Variants in NUDT3 observed in about 807,000 individuals in gnomAD.
The protein encoded by NUDT3 is nudix hydrolase 3.
NUDT3 carries 9 observed loss-of-function variants against 23.6 expected under a neutral mutation model. That is an observed-to-expected ratio of 0.38 (90% confidence interval 0.23 to 0.66). The LOEUF (loss-of-function observed/expected upper bound fraction) is 0.66. Among genes scored for constraint, NUDT3 ranks in the 30% least tolerant of loss-of-function variants. The pLI is 0.52. For missense variants in NUDT3, 172 were observed against 218.5 expected (o/e 0.79, Z 1.34); for synonymous variants, 86 against 82.6 (o/e 1.04, Z -0.22).
At chr6:34,354,802 T>C (rs1297661228) in intron 1 of NUDT3, among the ~76,000 whole-genome samples, 1 of 148,502 alleles carries the variant, frequency 6.7e-6, no homozygotes, top group Non-Finnish European at 1.5e-5. Flanking sequence ...CTTTATATTT[T>C]ATATTTGTAT....
At chr6:34,369,596 A>G (rs1364953566) in intron 1 of NUDT3, among the ~76,000 whole-genome samples, 1 of 152,234 alleles carries the variant, frequency 6.6e-6, no homozygotes, top group East Asian at 1.9e-4. Flanking sequence ...GAAATTAAAG[A>G]CCATGATGTG....
Position 34,392,486 on chromosome 6 carries a change from T to A in NUDT3, c.-124A>T. 3.4e-6 allele frequency: 2 copies of A among 591,104 alleles called. No individual in the cohort carries two copies. Among genetic ancestry groups the A allele is most frequent in the Non-Finnish European group, 5.7e-6 (2 of 348,224 alleles). The allele number at this position is 591,104 out of a possible 1,614,324, so 36.6% of individuals were successfully genotyped here. Reference sequence around the variant, plus strand: ...AAGGGAAGCAGGGAGGGGGAGCTTCTCCGCTACACGGCTCCGCCGCTGGCC... The same window carrying A: ...AAGGGAAGCAGGGAGGGGGAGCTTCACCGCTACACGGCTCCGCCGCTGGCC... On this transcript the variant is annotated 5_prime_UTR_variant, in exon 1 of 5. Transcript: ENST00000607016.
At chr6:34,334,873 C>T (rs1469735395) in intron 2 of NUDT3, among the ~76,000 whole-genome samples, 1 of 145,794 alleles carries the variant, frequency 6.9e-6, no homozygotes. Flanking sequence ...TTTGAGGTTA[C>T]AGTGAACTAT....
At chr6:34,390,245 G>A (rs1421374404) in intron 1 of NUDT3, among the ~76,000 whole-genome samples, 2 of 151,408 alleles carry the variant, frequency 1.3e-5, no homozygotes, top group African/African-American at 2.4e-5. Context: ...AGTGAGCCAA[G>A]ATGGGGCCAC....
intron 1 of NUDT3, among the ~76,000 whole-genome samples, chr6:34,375,868 A>G (rs1259949434): frequency 2.6e-5 from 4 of 152,118 alleles, no homozygotes; most frequent in African/African-American, 9.7e-5. Flanking sequence ...TCTAGGTGTG[A>G]TCTATCACCT....
At chr6:34,320,190 G>A (rs749623902) in intron 2 of NUDT3, among the ~76,000 whole-genome samples, 14 of 152,094 alleles carry the variant, frequency 9.2e-5, no homozygotes, top group African/African-American at 2.2e-4. Flanking sequence ...TACTAGTGGC[G>A]AGTATGAAAA....
At chr6:34,292,207 T>G (rs761101331) in intron 4 of NUDT3, among the ~76,000 whole-genome samples, 4 of 152,198 alleles carry the variant, frequency 2.6e-5, no homozygotes, top group African/African-American at 4.8e-5. Flanking sequence ...ACACTGAATT[T>G]ATTTCCTTGA....
intron 2 of NUDT3, among the ~76,000 whole-genome samples, chr6:34,320,062 T>C (rs1763917466): frequency 6.6e-6 from 1 of 152,182 alleles, no homozygotes; most frequent in Admixed American, 6.5e-5. Context: ...ATAATTTACA[T>C]GAACCTCCTA....
intron 1 of NUDT3, among the ~76,000 whole-genome samples, chr6:34,381,468 A>G (rs755175318): frequency 6.6e-6 from 1 of 152,128 alleles, no homozygotes; most frequent in Non-Finnish European, 1.5e-5. Flanking sequence ...AATGACCCAT[A>G]CACCCTGGCA....
chr6:34,352,047 C>A (rs1000713078), intron 1 of NUDT3, among the ~76,000 whole-genome samples: 36 of 151,156 alleles, frequency 2.4e-4, no homozygotes, highest in Non-Finnish European at 2.1e-4. Flanking sequence ...AAACAAAAAA[C>A]AAAAAAAAAC....
intron 1 of NUDT3, among the ~76,000 whole-genome samples, chr6:34,387,050 C>T (rs1765117956): frequency 6.6e-6 from 1 of 152,154 alleles, no homozygotes; most frequent in Admixed American, 6.5e-5. Flanking sequence ...GTCAAGGCTG[C>T]AGTGAGCTGT....
At chr6:34,300,935 C>T (rs1181696513) in intron 2 of NUDT3, among the ~76,000 whole-genome samples, 2 of 152,196 alleles carry the variant, frequency 1.3e-5, no homozygotes, top group Non-Finnish European at 1.5e-5. Flanking sequence ...TATACTTTTA[C>T]TACTTGGGTA....
intron 1 of NUDT3, among the ~76,000 whole-genome samples, chr6:34,347,000 C>T (rs559210731): frequency 2.0e-4 from 30 of 152,240 alleles, no homozygotes; most frequent in Middle Eastern, 3.4e-3. Context: ...AACTCCTGAC[C>T]TCAAGCAATC....
intron 1 of NUDT3, among the ~76,000 whole-genome samples, chr6:34,377,022 G>A (rs778678417): frequency 1.1e-4 from 17 of 151,928 alleles, no homozygotes; most frequent in Non-Finnish European, 2.1e-4. Context: ...TCCTTTCTAC[G>A]TAAATCCTAT....
intron 2 of NUDT3, among the ~76,000 whole-genome samples, chr6:34,315,710 T>TC (rs969912937): frequency 1.3e-4 from 20 of 152,318 alleles, no homozygotes; most frequent in Admixed American, 2.0e-4. Context: ...CTAGATAACC[T>TC]CTTGACATCC....
Position 34,392,383 on chromosome 6 carries a change from T to G in NUDT3, c.-21A>C. 1 of 1,585,920 alleles carries G rather than the reference T, an allele frequency of 6.3e-7. No homozygotes were observed. Among genetic ancestry groups the G allele is most frequent in the South Asian group, 1.1e-5 (1 of 88,994 alleles). ...ATCATCCTCCGGGCCCGGGTGGGGG[T>G]GCGGTGCGGGTCGCAGGAGTCGAGG... On this transcript the variant is annotated 5_prime_UTR_variant, in exon 1 of 5. Coordinates refer to ENST00000607016, the MANE Select transcript of NUDT3 (RefSeq NM_006703.4).
rs1177831133 is a variant in NUDT3 at position 34,283,173 on chromosome 6, C to A, written c.*5580G>T. On this transcript the variant is annotated 3_prime_UTR_variant, in exon 5 of 5. Coordinates refer to ENST00000607016, the MANE Select transcript of NUDT3 (RefSeq NM_006703.4). The stretch of plus-strand genomic sequence containing the variant: ...CTCAGCTCAAGTAGTGTGCCCAAAT[C>A]ATCACAAAATGGGATTCCCTTCCCT... The A allele has an allele frequency of 6.6e-6, 1 of 151,124 alleles. No homozygotes were observed. 9.4% of individuals were successfully genotyped at this position (151,124 alleles called of 1,614,324 possible). A position where few individuals can be genotyped will look rare whatever the true frequency, so the allele number is the denominator to read the frequency against.
At chr6:34,350,771 A>G (rs1301446266) in intron 1 of NUDT3, among the ~76,000 whole-genome samples, 1 of 150,846 alleles carries the variant, frequency 6.6e-6, no homozygotes. Context: ...CAGTCAATTT[A>G]CAAAATGCCT....
intron 2 of NUDT3, among the ~76,000 whole-genome samples, chr6:34,307,512 C>T (rs192581365): frequency 1.3e-5 from 2 of 151,802 alleles, no homozygotes; most frequent in Non-Finnish European, 2.9e-5. Context: ...GGAGGTTGAG[C>T]CTGCAGTGAG....
Sources: allele counts gnomAD v4.1 joint callset (sites outside exome capture counted in the v4.1 genomes callset), GRCh38; gene constraint gnomAD v4.1.1; transcripts MANE v1.5; gene names NCBI Gene and HGNC (gene_info 2026-07-23, HGNC 2026-07-21).